The following INTS6 variants were observed in gnomAD, a reference collection of about 807,000 sequenced individuals.
INTS6 encodes the protein DEAD box protein.
In INTS6, 16 loss-of-function variants were observed where a neutral mutation model predicts 104.9. The observed-to-expected ratio is 0.15, with a 90% CI of 0.10 to 0.23. The LOEUF is 0.23. Among genes scored for constraint, INTS6 ranks in the 10% least tolerant of loss-of-function variants. INTS6 has a pLI of 1.00. For synonymous variants in INTS6, 324 were observed against 358.7 expected, an observed-to-expected ratio of 0.90 and a Z score of 1.09; for missense variants, 584 against 1,062.8, an observed-to-expected ratio of 0.55 and a Z score of 6.26.
At chr13:51,404,814 A>T (rs1328344399) in intron 4 of INTS6, among the ~76,000 whole-genome samples, 1 of 152,250 alleles carries the variant, frequency 6.6e-6, no homozygotes, top group Non-Finnish European at 1.5e-5. Flanking sequence ...TAATTAGGTC[A>T]TGATAAATAT....
intron 4 of INTS6, among the ~76,000 whole-genome samples, chr13:51,420,771 A>T (rs557904691): frequency 6.6e-6 from 1 of 152,216 alleles, no homozygotes; most frequent in African/African-American, 2.4e-5. Flanking sequence ...AAAAAAAAAA[A>T]AAACTATCCA....
chr13:51,427,518 C>T (rs1053530768), intron 4 of INTS6, among the ~76,000 whole-genome samples: 1 of 152,076 alleles, frequency 6.6e-6, no homozygotes, highest in African/African-American at 2.4e-5. Flanking sequence ...CAATATCTCA[C>T]AACATTTAGC....
intron 17 of INTS6, among the ~76,000 whole-genome samples, chr13:51,366,470 C>T (rs755891995): frequency 5.9e-5 from 9 of 151,930 alleles, no homozygotes; most frequent in African/African-American, 9.7e-5. Context: ...CATCTGTATA[C>T]GTAACTGCTG....
the INTS6 span, among the ~76,000 whole-genome samples, chr13:51,343,556 C>T: frequency 1.2e-4 from 18 of 152,356 alleles, no homozygotes; most frequent in Middle Eastern, 3.4e-3. Flanking sequence ...TGGAAGCTAT[C>T]GACTCCCTCA....
the INTS6 span, among the ~76,000 whole-genome samples, chr13:51,338,888 T>C: frequency 8.4e-3 from 1,278 of 152,354 alleles, 22 homozygotes; most frequent in African/African-American, 0.03. Context: ...TTATTAAGAA[T>C]TGCATTCAGT....
At chr13:51,391,978 A>T (rs562748436) in intron 5 of INTS6, among the ~76,000 whole-genome samples, 1 of 152,094 alleles carries the variant, frequency 6.6e-6, no homozygotes, top group Non-Finnish European at 1.5e-5. Flanking sequence ...ATCCATCTCT[A>T]GTGGTTCGGA....
In INTS6 at chr13:51,383,643, A is replaced by G. The variant is rs531701942; in HGVS notation, c.993T>C (p.Pro331=). Residue 331 remains proline, a synonymous_variant, in exon 8 of 18, where the codon CCT becomes CCC. Coordinates refer to ENST00000311234, the MANE Select transcript of INTS6 (RefSeq NM_012141.3). The part of the protein sequence containing the change: ...KLPFDKYELE[P]SPLTQFILER... ...CCAGGATAAATTGAGTCAGTGGTGAAGGTTCCAACTCATATTTGTCAAAAG... is the reference window on the plus strand; with the variant it reads ...CCAGGATAAATTGAGTCAGTGGTGAGGGTTCCAACTCATATTTGTCAAAAG... 14 of 1,614,058 alleles carry G rather than the reference A, an allele frequency of 8.7e-6. No individual in the cohort carries two copies. In the South Asian group the frequency reaches 1.5e-4, roughly 18 times the overall value.
chr13:51,343,358 G>A, the INTS6 span, among the ~76,000 whole-genome samples: 5 of 152,308 alleles, frequency 3.3e-5, no homozygotes, highest in East Asian at 7.7e-4. Flanking sequence ...CTTGGGGTAC[G>A]CCACTGTGTC....
chr13:51,392,709 T>C (rs79770549), intron 5 of INTS6, among the ~76,000 whole-genome samples: 15,190 of 152,228 alleles, frequency 0.1, 1,081 homozygotes, highest in Admixed American at 0.21. Flanking sequence ...TTTGTCTTCA[T>C]AGTAGGTAGC....
intron 4 of INTS6, among the ~76,000 whole-genome samples, chr13:51,407,719 G>A (rs905723803): frequency 2.6e-5 from 4 of 152,030 alleles, no homozygotes; most frequent in Admixed American, 1.3e-4. Context: ...CCAAATAGAC[G>A]CATACATACA....
chr13:51,447,025 T>C (rs1327424869), intron 3 of INTS6: 3 of 152,158 alleles, frequency 2.0e-5, no homozygotes, highest in African/African-American at 7.2e-5. Context: ...TAAATTTTGT[T>C]AGGTGTTTCT....
At chr13:51,395,231 TG>T in intron 5 of INTS6, 68 bp downstream of exon 5, 5 of 1,415,488 alleles carry the variant, frequency 3.5e-6, no homozygotes, top group Non-Finnish European at 4.8e-6. Context: ...AGCTTTTGAA[TG>T]TACACTTTTA....
Position 51,429,317 on chromosome 13 carries a change from A to G in INTS6, c.429+977T>C, listed in dbSNP as rs546979620. Among the ~76,000 whole-genome samples the G allele has an allele frequency of 3.3e-5, 5 of 152,294 alleles. No individual in the cohort carries two copies. The South Asian group carries it at 1.0e-3, about 32-fold the overall frequency. ...ATGCAAACAATAAAGCTCCATCAAAACAATCACCTTTCTATATCAGCCCAT... is the reference window on the plus strand; with the variant it reads ...ATGCAAACAATAAAGCTCCATCAAAGCAATCACCTTTCTATATCAGCCCAT... On this transcript the variant is annotated intron_variant, in intron 4 of 17. Coordinates refer to ENST00000311234, the MANE Select transcript of INTS6 (RefSeq NM_012141.3).
chr13:51,398,715 T>C (rs944077369), intron 4 of INTS6, among the ~76,000 whole-genome samples: 1 of 151,360 alleles, frequency 6.6e-6, no homozygotes, highest in Non-Finnish European at 1.5e-5. Flanking sequence ...CTCATATTAT[T>C]TGTATAAGAT....
Position 51,452,616 on chromosome 13 carries a change from G to C in INTS6, c.-91C>G, listed in dbSNP as rs1593791877. ...CCGGTGGCGGCGACCGCCGCTACGC[G>C]GGGCGGGGGAGCACGGCCCCCGGGA... On this transcript the variant is annotated 5_prime_UTR_variant, in exon 1 of 18. Transcript: ENST00000311234. The surrounding 1 kb of genome is among the most constrained non-coding windows in gnomAD (Gnocchi z 4.2). 8 of 1,542,844 alleles carry C rather than the reference G, an allele frequency of 5.2e-6. No homozygotes were observed. In the Admixed American group the frequency reaches 5.8e-5, roughly 11 times the overall value.
chr13:51,408,693 GA>G (rs932433618), intron 4 of INTS6, among the ~76,000 whole-genome samples: 2 of 151,974 alleles, frequency 1.3e-5, no homozygotes, highest in African/African-American at 4.8e-5. Context: ...AAAGAAGTAG[GA>G]AAAAAACTTA....
chr13:51,407,334 T>C (rs1257462935), intron 4 of INTS6, among the ~76,000 whole-genome samples: 1 of 152,246 alleles, frequency 6.6e-6, no homozygotes, highest in East Asian at 1.9e-4. Flanking sequence ...TGAAGGGCAC[T>C]GAGCAACCTA....
Position 51,383,369 on chromosome 13 carries a change from A to G in INTS6, c.1140T>C (p.Phe380=), listed in dbSNP as rs560493567. The G allele has an allele frequency of 6.2e-7, 1 of 1,613,572 alleles. No individual in the cohort carries two copies. Among genetic ancestry groups the G allele is most frequent in the African/African-American group, 1.3e-5 (1 of 75,024 alleles). The change falls in exon 9 of 18, where the codon TTT becomes TTC. Residue 380 remains phenylalanine, a synonymous_variant. Coordinates refer to ENST00000311234, the MANE Select transcript of INTS6 (RefSeq NM_012141.3). ...ASTALNCVNL[F]VMPYNYPVLL... ...GGACTGGATAATTGTAAGGCATCAC[A>G]AATAAGTTGACACAGTTCAGTGCTG...
Position 51,395,157 on chromosome 13 carries a change from T to C in INTS6, c.613+143A>G. On this transcript the variant is annotated intron_variant, in intron 5 of 17. Coordinates refer to ENST00000311234, the MANE Select transcript of INTS6 (RefSeq NM_012141.3). ...AAGATCATAGACCATTAGCAATAAATGTACTATTAAAAGCATATATGCCTA... is the reference window on the plus strand; with the variant it reads ...AAGATCATAGACCATTAGCAATAAACGTACTATTAAAAGCATATATGCCTA... 2.2e-5 allele frequency: 15 copies of C among 688,292 alleles called. No homozygotes were observed. In the South Asian group the frequency reaches 3.4e-4, roughly 15 times the overall value. The allele number at this position is 688,292 out of a possible 1,614,324, so 42.6% of individuals were successfully genotyped here. A position where few individuals can be genotyped will look rare whatever the true frequency, so the allele number is the denominator to read the frequency against.
Sources: allele counts gnomAD v4.1 joint callset (sites outside exome capture counted in the v4.1 genomes callset), GRCh38; gene constraint gnomAD v4.1.1; non-coding constraint Gnocchi (gnomAD v3.1); transcripts MANE v1.5; gene names NCBI Gene and HGNC (gene_info 2026-07-23, HGNC 2026-07-21).